Variants in PDCD11 observed in about 807,000 individuals in gnomAD.
PDCD11 encodes the protein programmed cell death 11.
In PDCD11, 97 loss-of-function variants were observed where a neutral mutation model predicts 198.9. The ratio of observed to expected loss-of-function variants is 0.49; its 90% CI spans 0.41 to 0.58. The LOEUF is 0.58. PDCD11 is among the 20% of genes least tolerant of loss of function. The pLI is 0.00. For missense variants in PDCD11, 2,102 were observed against 2,312.7 expected (o/e 0.91, Z 1.87); for synonymous variants, 893 against 918.0 (o/e 0.97, Z 0.49).
intron 3 of PDCD11, among the ~76,000 whole-genome samples, chr10:103,402,377 T>C (rs1162673722): frequency 6.6e-6 from 1 of 152,248 alleles, no homozygotes; most frequent in Non-Finnish European, 1.5e-5. Flanking sequence ...TTCACTGATA[T>C]GTACACATGT....
chr10:103,410,109 C>T (rs1315464669), intron 8 of PDCD11, among the ~76,000 whole-genome samples: 1 of 152,124 alleles, frequency 6.6e-6, no homozygotes, highest in Admixed American at 6.5e-5. Flanking sequence ...GTGGCGCATG[C>T]CTGTAGTCCC....
intron 12 of PDCD11, 102 bp downstream of exon 12, chr10:103,415,253 T>G: frequency 2.5e-6 from 3 of 1,182,832 alleles, no homozygotes; most frequent in Non-Finnish European, 3.7e-6. Flanking sequence ...GTGTAATGTC[T>G]GTAGTGTGTC....
intron 6 of PDCD11, 105 bp downstream of exon 6, chr10:103,406,213 A>C (rs762629984): frequency 1.5e-5 from 21 of 1,374,294 alleles, no homozygotes; most frequent in Non-Finnish European, 2.0e-5. Flanking sequence ...GTGACCCTGA[A>C]GGTGCTGTGG....
At chr10:103,406,541 T>G in intron 6 of PDCD11, 68 bp from the exon 7 acceptor site, 1 of 1,435,230 alleles carries the variant, frequency 7.0e-7, no homozygotes, top group South Asian at 1.3e-5. Context: ...AGGTATTACT[T>G]GGGCCCACGT....
intron 17 of PDCD11, 108 bp from the exon 18 acceptor site, chr10:103,422,880 G>T: frequency 1.0e-5 from 11 of 1,049,148 alleles, no homozygotes; most frequent in Non-Finnish European, 1.4e-5. Flanking sequence ...CCTTGTCAGT[G>T]GTTCCAGTGC....
chr10:103,425,405 G>A lies in PDCD11; in HGVS notation c.3185G>A (p.Cys1062Tyr). The change falls in exon 20 of 36, where the codon TGT (cysteine) becomes TAT (tyrosine). Residue 1062 changes from cysteine (C) to tyrosine (Y), a missense_variant. By Grantham distance (194) the Cys-to-Tyr change is radical (BLOSUM62 -2). Coordinates refer to ENST00000369797, the MANE Select transcript of PDCD11 (RefSeq NM_014976.2). ...VVTLEDGIIG[C>Y]IHASHILDDV... ...ACTCTGGAAGATGGCATTATTGGCT[G>A]TATCCATGCCTCCCACATTCTAGAT... The A allele has an allele frequency of 6.2e-7, 1 of 1,614,142 alleles. No individual in the cohort carries two copies. Among genetic ancestry groups the A allele is most frequent in the Middle Eastern group, 1.6e-4 (1 of 6,062 alleles).
chr10:103,399,527 A>C (rs1164780005), intron 2 of PDCD11: 2 of 152,136 alleles, frequency 1.3e-5, no homozygotes, highest in African/African-American at 2.4e-5. Flanking sequence ...GCATTTTTAC[A>C]GGGGTTCCTT....
Position 103,424,999 on chromosome 10 carries a change from G to A in PDCD11, c.2779G>A (p.Glu927Lys), listed in dbSNP as rs202170736. 15 of 1,614,102 alleles carry A rather than the reference G, an allele frequency of 9.3e-6. No homozygotes were observed. Among genetic ancestry groups the A allele is most frequent in the East Asian group, 4.5e-5 (2 of 44,856 alleles). The change falls in exon 20 of 36, where the codon GAA becomes AAA. Residue 927 changes from glutamate to lysine, a missense_variant. Transcript: ENST00000369797. ...TCTCTTCTAGCTGAGGAAAGGCAGC[G>A]AACACCAGGCGATTGTGCAGCACTT... ...RKARKLRKGS[E>K]HQAIVQHLEK... is the part of the protein sequence containing the mutation.
chr10:103,415,598 T>C (rs116616626), intron 12 of PDCD11, among the ~76,000 whole-genome samples: 4,246 of 152,318 alleles, frequency 0.028, 80 homozygotes, highest in Middle Eastern at 0.034. Context: ...ATTATCTTCA[T>C]TTTGCGGGTG....
chr10:103,433,895 C>A, intron 22 of PDCD11, 53 bp from the exon 23 acceptor site: 1 of 1,389,910 alleles, frequency 7.2e-7, no homozygotes, highest in Non-Finnish European at 1.0e-6. Context: ...GTTTTAATGG[C>A]GGGAAACCTT....
At position 103,440,500 on chromosome 10, in the gene PDCD11, C is replaced by T; in HGVS notation, c.4359C>T (p.Pro1453=). ...NQKGQEEVEM[P]SKEKQQPQKP... ...AGGGGCAGGAGGAGGTGGAGATGCCCAGCAAGGAGAAGCAACAGCCCCAGA... is the reference window on the plus strand; with the variant it reads ...AGGGGCAGGAGGAGGTGGAGATGCCTAGCAAGGAGAAGCAACAGCCCCAGA... The change falls in exon 29 of 36, where the codon CCC becomes CCT. Residue 1453 remains proline, a synonymous_variant. Transcript: ENST00000369797. 6.2e-7 allele frequency: 1 copy of T among 1,613,786 alleles called. No homozygotes were observed. Among genetic ancestry groups the T allele is most frequent in the Non-Finnish European group, 8.5e-7 (1 of 1,179,968 alleles).
chr10:103,434,575 C>T (rs1007751211), intron 24 of PDCD11: 4 of 589,736 alleles, frequency 6.8e-6, no homozygotes, highest in Non-Finnish European at 3.0e-6. Flanking sequence ...CTTACCTACA[C>T]AGGTGTTTTT....
At chr10:103,419,740 GGA>G in intron 16 of PDCD11, 32 bp downstream of exon 16, 2 of 1,605,434 alleles carry the variant, frequency 1.2e-6, no homozygotes, top group Non-Finnish European at 1.7e-6. Flanking sequence ...AGGGCTTTGA[GGA>G]GAGATACAAG....
chr10:103,405,996 T>A lies in PDCD11; in HGVS notation c.576T>A (p.Gly192=). 6.2e-7 allele frequency: 1 copy of A among 1,614,118 alleles called. No homozygotes were observed. Among genetic ancestry groups the A allele is most frequent in the East Asian group, 2.2e-5 (1 of 44,890 alleles). The change falls in exon 6 of 36, where the codon GGT becomes GGA. Residue 192 remains glycine (G), a synonymous_variant. Coordinates refer to ENST00000369797, the MANE Select transcript of PDCD11 (RefSeq NM_014976.2). ...TTTCTCTTCCCCAGCTACTTACAGG[T>A]ACCGTATCCAGCCTGGAAGACCATG... The part of the protein sequence containing the change: ...EALKPGMLLT[G]TVSSLEDHGY...
Position 103,417,728 on chromosome 10 carries a change from C to T in PDCD11, c.1771-64C>T, listed in dbSNP as rs187046857. The T allele has an allele frequency of 5.2e-5, 81 of 1,559,866 alleles. 2 individuals are homozygous for T. In the East Asian group the frequency reaches 1.0e-3, roughly 19 times the overall value. Reference sequence around the variant, plus strand: ...AGTCCTCTGCAGCAGTAGTGGAGGGCACGTTGCAGGGCCTGCAAGGCTTGC... The same window carrying T: ...AGTCCTCTGCAGCAGTAGTGGAGGGTACGTTGCAGGGCCTGCAAGGCTTGC... On this transcript the variant is annotated intron_variant, in intron 13 of 35. Coordinates refer to ENST00000369797, the MANE Select transcript of PDCD11 (RefSeq NM_014976.2).
chr10:103,431,796 G>A (rs1306585074), intron 21 of PDCD11, among the ~76,000 whole-genome samples: 1 of 152,198 alleles, frequency 6.6e-6, no homozygotes, highest in South Asian at 2.1e-4. Flanking sequence ...AATTCAGTGA[G>A]AGATAATTTT....
chr10:103,421,255 C>T (rs1024474291), intron 16 of PDCD11, 93 bp from the exon 17 acceptor site: 10 of 950,358 alleles, frequency 1.1e-5, no homozygotes, highest in Middle Eastern at 2.4e-4. Context: ...GCCCCATTTC[C>T]CCCTACTCAC....
At chr10:103,408,932 C>T (rs2030627626) in intron 7 of PDCD11, among the ~76,000 whole-genome samples, 1 of 152,168 alleles carries the variant, frequency 6.6e-6, no homozygotes, top group African/African-American at 2.4e-5. Context: ...TCTTCTCTGG[C>T]ATGTTAGATT....
chr10:103,434,133 G>C, intron 23 of PDCD11, 96 bp downstream of exon 23: 4 of 1,255,132 alleles, frequency 3.2e-6, no homozygotes, highest in Non-Finnish European at 4.7e-6. Flanking sequence ...GAGGAAGCTT[G>C]TTCTTTATTT....
Sources: gnomAD v4.1 joint callset for allele counts (sites outside exome capture counted in the v4.1 genomes callset) on GRCh38, gnomAD v4.1.1 for gene constraint, MANE v1.5 for transcripts, NCBI Gene and HGNC (gene_info 2026-07-23, HGNC 2026-07-21) for gene names.